The following MPP7 variants were observed in gnomAD, a reference collection of about 807,000 sequenced individuals.
MPP7 encodes MAGUK p55 scaffold protein 7.
Under a neutral mutation model 76.5 loss-of-function variants are expected in MPP7, and 60 were observed. The observed-to-expected ratio is 0.78, with a 90% CI of 0.64 to 0.97. The LOEUF (loss-of-function observed/expected upper bound fraction) is 0.97. Among genes scored for constraint, MPP7 ranks in the 50% least tolerant of loss-of-function variants. The probability of loss-of-function intolerance (pLI) is 0.00; values close to 1 mark genes in which losing one functional copy is unlikely to be tolerated. For missense variants in MPP7, 641 were observed against 694.0 expected (o/e 0.92, Z 0.86); for synonymous variants, 237 against 244.5 (o/e 0.97, Z 0.29).
chr10:28,323,412 C>T (rs753337293), intron 2 of MPP7, among the ~76,000 whole-genome samples: 1 of 151,630 alleles, frequency 6.6e-6, no homozygotes, highest in Non-Finnish European at 1.5e-5. Flanking sequence ...AAGATCGCAC[C>T]ACTGTACTCT....
At chr10:28,331,838 G>A (rs1221017098) in intron 1 of MPP7, among the ~76,000 whole-genome samples, 1 of 152,132 alleles carries the variant, frequency 6.6e-6, no homozygotes, top group African/African-American at 2.4e-5. Context: ...GCCTCCCAAA[G>A]TGCGGGAATT....
At chr10:28,311,628 A>G (rs1393098805) in intron 2 of MPP7, among the ~76,000 whole-genome samples, 2 of 152,142 alleles carry the variant, frequency 1.3e-5, no homozygotes, top group African/African-American at 4.8e-5. Flanking sequence ...CATACATGTG[A>G]TCCCAGCAAT....
At chr10:28,323,711 TAGAG>T (rs869103530) in intron 2 of MPP7, among the ~76,000 whole-genome samples, 21 of 70,282 alleles carry the variant, frequency 3.0e-4, no homozygotes, top group East Asian at 1.8e-3. Flanking sequence ...AATAAATAAA[TAGAG>T]AGAGAGAAAG....
intron 11 of MPP7, chr10:28,118,144 C>T (rs996085820): frequency 5.1e-5 from 50 of 984,064 alleles, no homozygotes; most frequent in South Asian, 9.4e-5. Flanking sequence ...TACAAAAGGA[C>T]TCCGTTACAA....
intron 6 of MPP7, among the ~76,000 whole-genome samples, chr10:28,128,419 C>T (rs1200307311): frequency 6.6e-6 from 1 of 152,110 alleles, no homozygotes; most frequent in African/African-American, 2.4e-5. Context: ...GATTTTGGCA[C>T]ATTTTGGATT....
In MPP7 at chr10:28,167,945, A is replaced by T. The variant is rs373850286; in HGVS notation, c.157-17886T>A. Reference sequence around the variant, plus strand: ...GCAACTCATGCTTACTGGTTAGGTTATATTTTCTAGGCCAGGCATGGCAGC... The same window carrying T: ...GCAACTCATGCTTACTGGTTAGGTTTTATTTTCTAGGCCAGGCATGGCAGC... On this transcript the variant is annotated intron_variant, in intron 3 of 16. Coordinates refer to ENST00000683449, the MANE Select transcript of MPP7 (RefSeq NM_001318170.2). 5.9e-5 allele frequency among the ~76,000 whole-genome samples: 9 copies of T among 152,284 alleles called. No individual in the cohort carries two copies. In the East Asian group the frequency reaches 1.2e-3, roughly 20 times the overall value.
chr10:28,194,043 C>A (rs1837499829), intron 3 of MPP7, among the ~76,000 whole-genome samples: 2 of 152,168 alleles, frequency 1.3e-5, no homozygotes, highest in African/African-American at 4.8e-5. Flanking sequence ...GAAACAGAGT[C>A]TCACTCTGTC....
At chr10:28,078,297 C>T (rs1852593533) in intron 12 of MPP7, among the ~76,000 whole-genome samples, 1 of 152,116 alleles carries the variant, frequency 6.6e-6, no homozygotes, top group South Asian at 2.1e-4. Context: ...CAAAAAGTGG[C>T]AGAAGTCAAA....
At chr10:28,310,481 G>A (rs778578236) in intron 2 of MPP7, among the ~76,000 whole-genome samples, 8 of 151,944 alleles carry the variant, frequency 5.3e-5, no homozygotes, top group Non-Finnish European at 1.0e-4. Context: ...GTACCATCAC[G>A]AATCACCCAG....
chr10:28,079,582 A>G (rs1472886819), intron 12 of MPP7, among the ~76,000 whole-genome samples: 3 of 152,168 alleles, frequency 2.0e-5, no homozygotes, highest in Admixed American at 2.0e-4. Flanking sequence ...CGCACCCAAA[A>G]CCATACATGC....
At chr10:28,286,358 T>A (rs1213099759) in intron 1 of MPP7, among the ~76,000 whole-genome samples, 1 of 151,236 alleles carries the variant, frequency 6.6e-6, no homozygotes, top group South Asian at 2.1e-4. Flanking sequence ...AAAAAAATAA[T>A]AATAAAAAAT....
chr10:28,100,570 C>T (rs7923978), intron 11 of MPP7, among the ~76,000 whole-genome samples: 39,134 of 152,012 alleles, frequency 0.26, 7,104 homozygotes, highest in East Asian at 0.88. Context: ...CAATTATACA[C>T]ATGCTAATTT....
At chr10:28,163,313 T>C (rs1014861450) in intron 3 of MPP7, among the ~76,000 whole-genome samples, 5 of 152,196 alleles carry the variant, frequency 3.3e-5, no homozygotes, top group South Asian at 4.1e-4. Flanking sequence ...TGTCTCCAGA[T>C]CTTTAAGGCT....
intron 1 of MPP7, chr10:28,254,852 A>G (rs1251005351): frequency 6.6e-6 from 1 of 152,200 alleles, no homozygotes; most frequent in Non-Finnish European, 1.5e-5. Flanking sequence ...CAGTGAGAGC[A>G]GTTGAGTTTA....
At position 28,096,245 on chromosome 10, in the gene MPP7, G is replaced by A. The variant is rs535659934; in HGVS notation, c.953-6404C>T. ...GACAGATCCTGTCCAAATGCTTCTC[G>A]GATTGATTAATATCAATATCCATTC... On this transcript the variant is annotated intron_variant, in intron 11 of 16. Transcript: ENST00000683449. Among the ~76,000 whole-genome samples the A allele has an allele frequency of 4.6e-5, 7 of 152,186 alleles. No homozygotes were observed. In the East Asian group the frequency reaches 7.7e-4, roughly 17 times the overall value.
At chr10:28,311,743 T>C (rs566464171) in intron 2 of MPP7, among the ~76,000 whole-genome samples, 7 of 143,974 alleles carry the variant, frequency 4.9e-5, no homozygotes, top group African/African-American at 1.6e-4. Context: ...TTAAATAGAA[T>C]GCATAGATGT....
chr10:28,240,546 C>A (rs530045330), intron 1 of MPP7, among the ~76,000 whole-genome samples: 1 of 152,066 alleles, frequency 6.6e-6, no homozygotes, highest in East Asian at 1.9e-4. Context: ...GAAAAGAGTG[C>A]TAATTTAAAA....
intron 3 of MPP7, among the ~76,000 whole-genome samples, chr10:28,151,519 C>A (rs930361475): frequency 2.6e-5 from 4 of 152,166 alleles, no homozygotes; most frequent in Admixed American, 2.6e-4. Context: ...AACCTGACTG[C>A]AGTTACTTGT....
intron 5 of MPP7, among the ~76,000 whole-genome samples, chr10:28,138,206 C>A (rs1220072837): frequency 1.3e-5 from 2 of 152,130 alleles, no homozygotes; most frequent in East Asian, 3.8e-4. Flanking sequence ...CAAAAGTGAG[C>A]CCCCGGAATG....
Sources: allele counts gnomAD v4.1 joint callset (sites outside exome capture counted in the v4.1 genomes callset), GRCh38; gene constraint gnomAD v4.1.1; transcripts MANE v1.5; gene names NCBI Gene and HGNC (gene_info 2026-07-23, HGNC 2026-07-21).